Variants in BRD9 observed in about 807,000 individuals in gnomAD.
The protein encoded by BRD9 is bromodomain containing 9.
BRD9 carries 47 observed loss-of-function variants against 68.7 expected under a neutral mutation model. The observed-to-expected ratio is 0.68, with a 90% confidence interval of 0.54 to 0.87. The LOEUF is 0.87. Among genes scored for constraint, BRD9 ranks in the 40% least tolerant of loss-of-function variants. The pLI is 0.00. For missense variants in BRD9, 670 were observed against 748.4 expected (o/e 0.90, Z 1.22); for synonymous variants, 313 against 293.9 (o/e 1.06, Z -0.67).
rs1230787624 is a variant in BRD9 at position 887,350 on chromosome 5, G to C, written c.717+11C>G. On this transcript the variant is annotated intron_variant, in intron 6 of 15. Coordinates refer to ENST00000467963, the MANE Select transcript of BRD9 (RefSeq NM_023924.5). ...CTTTCCGTAGCTCGCTGCTGCCAGT[G>C]AGTTTCTTACTTTGCTCATCATCTT... 1 of 1,600,524 alleles carries C rather than the reference G, an allele frequency of 6.2e-7. No individual in the cohort carries two copies. The highest frequency in any genetic ancestry group is 1.3e-5 in the African/African-American group (1 of 74,630).
intron 6 of BRD9, 88 bp downstream of exon 6, chr5:887,273 T>C: frequency 5.4e-6 from 6 of 1,113,192 alleles, no homozygotes; most frequent in Non-Finnish European, 8.1e-6. Flanking sequence ...ATGGAGCACG[T>C]GTTCACTGTG....
intron 7 of BRD9, among the ~76,000 whole-genome samples, chr5:885,552 A>G (rs73020911): frequency 0.012 from 1,883 of 152,360 alleles, 38 homozygotes; most frequent in African/African-American, 0.043. Flanking sequence ...CTGACTTCCC[A>G]CAAGATGGCA....
Position 891,171 on chromosome 5 carries a change from C to T in BRD9, c.384G>A (p.Ala128=), listed in dbSNP as rs759754858. The T allele has an allele frequency of 5.0e-4, 772 of 1,551,196 alleles. 1 individual carries two copies. The highest frequency in any genetic ancestry group is 6.5e-4 in the Non-Finnish European group (749 of 1,146,794). ...VEPPPDRPVR[A]CRTQPAENES... ...CACCCTTGCCTGGCTGTGTCCGGCA[C>T]GCTCGGACTGGCCGATCTGGGGGCG... Residue 128 remains alanine, a synonymous_variant, in exon 3 of 16, where the codon GCG becomes GCA. Coordinates refer to ENST00000467963, the MANE Select transcript of BRD9 (RefSeq NM_023924.5).
chr5:864,364 A>T lies in BRD9; in HGVS notation c.*104T>A. 2 of 973,770 alleles carry T rather than the reference A, an allele frequency of 2.1e-6. No individual in the cohort carries two copies. Among genetic ancestry groups the T allele is most frequent in the Non-Finnish European group, 3.0e-6 (2 of 669,672 alleles). The allele number at this position is 973,770 out of a possible 1,614,324, so 60.3% of individuals were successfully genotyped here. ...TTACCTCCCCGCGGCTGCTTCCCGC[A>T]TGCCAAAGGGGACAGGATCAAAGTC... is the stretch of plus-strand genomic sequence containing the variant. On this transcript the variant is annotated 3_prime_UTR_variant, in exon 16 of 16. Transcript: ENST00000467963.
chr5:892,435 G>T (rs925351057), intron 1 of BRD9, 171 bp downstream of exon 1: 3 of 1,384,134 alleles, frequency 2.2e-6, no homozygotes, highest in Admixed American at 2.9e-5. Context: ...GACCCCTCAC[G>T]TGTGCCCGGT....
At chr5:880,956 G>C in intron 9 of BRD9, 151 bp downstream of exon 9, 1 of 755,432 alleles carries the variant, frequency 1.3e-6, no homozygotes, top group Admixed American at 2.5e-5. Context: ...CTCAGCGCAC[G>C]TGTCACGTTG....
At position 865,486 on chromosome 5, in the gene BRD9, G is replaced by T. The variant is rs573189640; in HGVS notation, c.1621C>A (p.Arg541Ser). The change falls in exon 15 of 16, where the codon CGC becomes AGC. Residue 541 changes from arginine (R) to serine (S), a missense_variant. Physicochemically the swap from Arg to Ser is moderately radical, Grantham distance 110. Coordinates refer to ENST00000467963, the MANE Select transcript of BRD9 (RefSeq NM_023924.5). ...LQDLHEAQAE[R>S]GGSRPSSNLS... ...TTGGACGACGGCCGAGAGCCGCCGC[G>T]CTCCGCCTGTGCTTCGTGCAGGTCC... The T allele has an allele frequency of 3.1e-6, 5 of 1,604,810 alleles. No individual in the cohort carries two copies. Among genetic ancestry groups the T allele is most frequent in the Non-Finnish European group, 4.3e-6 (5 of 1,175,976 alleles).
Position 891,076 on chromosome 5 carries a change from C to G in BRD9, c.400+79G>C, listed in dbSNP as rs1323973597. The G allele has an allele frequency of 2.1e-6, 3 of 1,454,766 alleles. No individual in the cohort carries two copies. The East Asian group carries it at 7.6e-5, about 37-fold the overall frequency. 90.1% of individuals were successfully genotyped at this position (1,454,766 alleles called of 1,614,324 possible). On this transcript the variant is annotated intron_variant, in intron 3 of 15. Transcript: ENST00000467963. ...CTCCCTCCCATGCTTCTCCCCAAAG[C>G]AACAGGACACGGTGCCGACCCCTCA... is the stretch of plus-strand genomic sequence containing the variant.
intron 8 of BRD9, chr5:881,895 G>A (rs935218356): frequency 1.3e-5 from 2 of 152,606 alleles, no homozygotes; most frequent in African/African-American, 4.8e-5. Flanking sequence ...AAGATTAGGA[G>A]ACAAGTCCTC....
chr5:892,328 G>C (rs569801698), intron 1 of BRD9: 5 of 675,290 alleles, frequency 7.4e-6, no homozygotes. Flanking sequence ...CCACACAAAA[G>C]CCAGCACAGA....
rs182213120 is a variant in BRD9, at chr5:880,956, G to A, written c.1042+151C>T. 109 of 755,432 alleles carry A rather than the reference G, an allele frequency of 1.4e-4. No individual in the cohort carries two copies. In the African/African-American group the frequency reaches 1.7e-3, roughly 12 times the overall value. 46.8% of individuals were successfully genotyped at this position (755,432 alleles called of 1,614,324 possible). On this transcript the variant is annotated intron_variant, in intron 9 of 15. Transcript: ENST00000467963. ...CCGTCCACACCTCCACTCAGCGCAC[G>A]TGTCACGTTGGGGTGCGAGCAAGGT...
chr5:866,864 T>G (rs1270879645), intron 14 of BRD9, among the ~76,000 whole-genome samples: 2 of 152,136 alleles, frequency 1.3e-5, no homozygotes, highest in Non-Finnish European at 2.9e-5. Flanking sequence ...AGAGTAAAAG[T>G]TTGGAAAATT....
intron 6 of BRD9, 194 bp from the exon 7 acceptor site, chr5:886,901 G>T: frequency 9.9e-7 from 1 of 1,008,192 alleles, no homozygotes; most frequent in Non-Finnish European, 1.4e-6. Flanking sequence ...GGAGCAGCGG[G>T]AGGTGGTTGT....
At chr5:887,102 A>C (rs1408777377) in intron 6 of BRD9, among the ~76,000 whole-genome samples, 2 of 152,242 alleles carry the variant, frequency 1.3e-5, no homozygotes, top group East Asian at 3.8e-4. Context: ...GCTGGCTGCC[A>C]TCCAGCAAGA....
At chr5:877,548 T>C (rs931100077) in intron 11 of BRD9, among the ~76,000 whole-genome samples, 6 of 152,254 alleles carry the variant, frequency 3.9e-5, no homozygotes, top group Admixed American at 3.9e-4. Context: ...TTAAGTTGCT[T>C]TCTCCATTAA....
At chr5:891,590 C>A in intron 2 of BRD9, 50 bp downstream of exon 2, 1 of 1,537,900 alleles carries the variant, frequency 6.5e-7, no homozygotes, top group Non-Finnish European at 8.7e-7. Context: ...ACCAGGCTCC[C>A]CACGGGCTCC....
chr5:892,318 C>G, intron 1 of BRD9: 2 of 622,968 alleles, frequency 3.2e-6, no homozygotes, highest in Non-Finnish European at 5.1e-6. Flanking sequence ...TCCCTGAGCT[C>G]CACACAAAAG....
chr5:870,562 A>G lies in BRD9; in HGVS notation c.1436T>C (p.Leu479Pro). 6.2e-7 allele frequency: 1 copy of G among 1,613,784 alleles called. No individual in the cohort carries two copies. Among genetic ancestry groups the G allele is most frequent in the Middle Eastern group, 1.7e-4 (1 of 6,060 alleles). ...CAGAACAGAGCTGCTGCTGTCTCCT[A>G]GGGTGTCCCCAACCTGTGGAGACAG... ...PPDEAKVGDTLGDSSSSVLEF... is the reference protein window; with the variant it reads ...PPDEAKVGDTPGDSSSSVLEF... Residue 479 changes from leucine to proline, a missense_variant, in exon 14 of 16, where the codon CTA becomes CCA. Coordinates refer to ENST00000467963, the MANE Select transcript of BRD9 (RefSeq NM_023924.5).
At chr5:892,794 CCGGAAACGGGGCGAGGCGGGGCCGCGG>C (rs1487808571) in exon 1 of BRD9, 10 of 1,038,390 alleles carry the variant, frequency 9.6e-6, no homozygotes, top group African/African-American at 1.7e-4. Context: ...CTGGGCCGCG[CCGGAAACGGGGCGAGGCGGGGCCGCGG>C]CAGGAAGTGG....
Sources: gnomAD v4.1 joint callset for allele counts (sites outside exome capture counted in the v4.1 genomes callset) on GRCh38, gnomAD v4.1.1 for gene constraint, MANE v1.5 for transcripts, NCBI Gene and HGNC (gene_info 2026-07-23, HGNC 2026-07-21) for gene names.